The following PAX2 variants were observed in gnomAD, a reference collection of about 807,000 sequenced individuals.
PAX2 encodes the protein paired box protein Pax-2.
In PAX2, 9 loss-of-function variants were observed where a neutral mutation model predicts 41.7. The ratio of observed to expected loss-of-function variants is 0.22; its 90% CI spans 0.13 to 0.38. PAX2 has a LOEUF of 0.38. PAX2 is among the 10% of genes least tolerant of loss of function. PAX2 has a pLI of 1.00. For missense variants in PAX2, 418 were observed against 531.6 expected, an observed-to-expected ratio of 0.79 and a Z score of 2.10; for synonymous variants, 221 against 212.7, an observed-to-expected ratio of 1.04 and a Z score of -0.34.
At chr10:100,785,052 TATC>T (rs1475533762) in intron 5 of PAX2, among the ~76,000 whole-genome samples, 2 of 152,218 alleles carry the variant, frequency 1.3e-5, no homozygotes, top group East Asian at 3.8e-4. Context: ...TCCCCATTCA[TATC>T]ATTCAAAAAT....
In PAX2 at chr10:100,827,474, T is replaced by G; in HGVS notation, c.1109-69T>G. 2.7e-6 allele frequency: 4 copies of G among 1,503,970 alleles called. No individual in the cohort carries two copies. Among genetic ancestry groups the G allele is most frequent in the Non-Finnish European group, 3.7e-6 (4 of 1,080,250 alleles). The allele number at this position is 1,503,970 out of a possible 1,614,324, so 93.2% of individuals were successfully genotyped here. A position where few individuals can be genotyped will look rare whatever the true frequency, so the allele number is the denominator to read the frequency against. ...AGCCAGGGGAGGTCTTTTCTGTGCT[T>G]TTCTTTCCTTTTTTGTTCTCCTGTT... On this transcript the variant is annotated intron_variant, in intron 9 of 9. Transcript: ENST00000355243. The surrounding 1 kb of genome is among the most constrained non-coding windows in gnomAD (Gnocchi z 8.5).
At chr10:100,766,353 C>T (rs1476501476) in intron 3 of PAX2, among the ~76,000 whole-genome samples, 1 of 152,204 alleles carries the variant, frequency 6.6e-6, no homozygotes, top group Non-Finnish European at 1.5e-5. Context: ...TCAGTGCAGG[C>T]CACTGCTGAG....
At position 100,824,532 on chromosome 10, in the gene PAX2, C is replaced by T. The variant is rs889172152; in HGVS notation, c.920-116C>T. 1.4e-5 allele frequency: 11 copies of T among 807,910 alleles called. 1 individual carries two copies. The highest frequency in any genetic ancestry group is 8.6e-5 in the Admixed American group (5 of 58,352). The allele number at this position is 807,910 out of a possible 1,614,324, so 50.0% of individuals were successfully genotyped here. A position where few individuals can be genotyped will look rare whatever the true frequency, so the allele number is the denominator to read the frequency against. On this transcript the variant is annotated intron_variant, in intron 7 of 9. Coordinates refer to ENST00000355243, the MANE Select transcript of PAX2 (RefSeq NM_000278.5). The surrounding 1 kb of genome is among the most constrained non-coding windows in gnomAD (Gnocchi z 6.6). ...GCACAGTGGCACACATACCCCTGCACGTCTGCACAGAGCTCTTTCCTCTCC... is the reference window on the plus strand; with the variant it reads ...GCACAGTGGCACACATACCCCTGCATGTCTGCACAGAGCTCTTTCCTCTCC...
chr10:100,749,948 T>C (rs1263098000), intron 2 of PAX2, 34 bp downstream of exon 2: 5 of 1,605,230 alleles, frequency 3.1e-6, no homozygotes, highest in Non-Finnish European at 4.2e-6. Flanking sequence ...GGAGACGCCT[T>C]GCCTACTTCC....
chr10:100,735,545 C>G (rs10786604), exon 1 of PAX2: 320,996 of 401,544 alleles, frequency 0.8, 129,122 homozygotes, highest in East Asian at 1. Flanking sequence ...GAGCACACAG[C>G]CGTGGCGGCG....
chr10:100,798,675 A>C (rs1847424612), intron 5 of PAX2, among the ~76,000 whole-genome samples: 4 of 144,456 alleles, frequency 2.8e-5, no homozygotes, highest in African/African-American at 7.8e-5. Context: ...TATCTCCCTT[A>C]CCTCTCTCTT....
Position 100,806,592 on chromosome 10 carries a change from T to A in PAX2, c.779T>A (p.Ile260Asn). The change falls in exon 6 of 10, where the codon ATC (isoleucine) becomes AAC (asparagine). Residue 260 changes from isoleucine (I) to asparagine (N), a missense_variant. By Grantham distance (149) the Ile-to-Asn change is moderately radical. Around this residue, in one of 2 missense-constraint regions of PAX2, gnomAD observed 310 missense variants for 325.2 expected, o/e 0.95. Coordinates refer to ENST00000355243, the MANE Select transcript of PAX2 (RefSeq NM_000278.5). ...YPDVFQASEH[I>N]KSEQGNEYSL... ...GACGTCTTCCAGGCATCAGAGCACA[T>A]CAAATCAGAACAGGTGAGGAGGGAG... The A allele has an allele frequency of 6.2e-7, 1 of 1,613,934 alleles. No homozygotes were observed. Among genetic ancestry groups the A allele is most frequent in the Non-Finnish European group, 8.5e-7 (1 of 1,179,994 alleles).
At chr10:100,807,898 C>T (rs533466635) in intron 6 of PAX2, among the ~76,000 whole-genome samples, 56 of 152,354 alleles carry the variant, frequency 3.7e-4, no homozygotes, top group Non-Finnish European at 3.4e-4. Context: ...TCTCCCCGCC[C>T]GTCCTTTTAT....
chr10:100,803,591 G>A (rs1416481208), intron 5 of PAX2, among the ~76,000 whole-genome samples: 1 of 152,104 alleles, frequency 6.6e-6, no homozygotes, highest in Non-Finnish European at 1.5e-5. Flanking sequence ...AAGTTTCTTT[G>A]TGCTCCTTCG....
chr10:100,776,923 A>G (rs1308406460), intron 3 of PAX2, among the ~76,000 whole-genome samples: 3 of 152,054 alleles, frequency 2.0e-5, no homozygotes, highest in Non-Finnish European at 2.9e-5. Context: ...TGCCTCATGT[A>G]TATGTATGTT....
intron 5 of PAX2, among the ~76,000 whole-genome samples, chr10:100,796,768 C>T (rs1337821252): frequency 6.6e-6 from 1 of 152,188 alleles, no homozygotes; most frequent in Non-Finnish European, 1.5e-5. Context: ...TCCCTGCATC[C>T]CCATCATTTC....
intron 3 of PAX2, among the ~76,000 whole-genome samples, chr10:100,755,600 C>T (rs1270388697): frequency 6.6e-6 from 1 of 152,226 alleles, no homozygotes. Flanking sequence ...TATTACCGTT[C>T]ATGGCCTGGG....
intron 3 of PAX2, among the ~76,000 whole-genome samples, chr10:100,768,403 C>T (rs1306175952): frequency 6.6e-6 from 1 of 152,062 alleles, no homozygotes; most frequent in African/African-American, 2.4e-5. Context: ...GGAAAATTTG[C>T]CCCCCAAACC....
chr10:100,761,310 G>A (rs1182192833), intron 3 of PAX2, among the ~76,000 whole-genome samples: 1 of 152,012 alleles, frequency 6.6e-6, no homozygotes, highest in African/African-American at 2.4e-5. Context: ...TAGAAACAAT[G>A]CTCACCTGCG....
chr10:100,806,617 G>A lies in PAX2; in HGVS notation c.792+12G>A, dbSNP rs1395910704. On this transcript the variant is annotated intron_variant, in intron 6 of 9. Transcript: ENST00000355243. ...TCAAATCAGAACAGGTGAGGAGGGAGCTTTCTGCTTGCAGAAGTAGAAAGG... is the reference window on the plus strand; with the variant it reads ...TCAAATCAGAACAGGTGAGGAGGGAACTTTCTGCTTGCAGAAGTAGAAAGG... 1 of 1,612,538 alleles carries A rather than the reference G, an allele frequency of 6.2e-7. No individual in the cohort carries two copies. The highest frequency in any genetic ancestry group is 8.5e-7 in the Non-Finnish European group (1 of 1,179,508).
At chr10:100,795,297 G>A (rs1000775694) in intron 5 of PAX2, among the ~76,000 whole-genome samples, 5 of 152,184 alleles carry the variant, frequency 3.3e-5, no homozygotes, top group Non-Finnish European at 5.9e-5. Context: ...AAGGTAAATA[G>A]GACACAGTCC....
In PAX2 at chr10:100,748,570, A is replaced by G. The variant is rs1315511300; in HGVS notation, c.44-1176A>G. On this transcript the variant is annotated intron_variant, in intron 1 of 9. Coordinates refer to ENST00000355243, the MANE Select transcript of PAX2 (RefSeq NM_000278.5). The surrounding 1 kb of genome is among the most constrained non-coding windows in gnomAD (Gnocchi z 5.0). ...GGCCGCTAGAAGTCTCTGCGCTTGG[A>G]TTGCTCAGTACCTGCGGCTACGGGT... 1 of 985,308 alleles carries G rather than the reference A, an allele frequency of 1.0e-6. No homozygotes were observed. The highest frequency in any genetic ancestry group is 1.2e-6 in the Non-Finnish European group (1 of 829,902). 61.0% of individuals were successfully genotyped at this position (985,308 alleles called of 1,614,324 possible).
At chr10:100,814,732 T>C (rs980312268) in intron 7 of PAX2, among the ~76,000 whole-genome samples, 3 of 152,132 alleles carry the variant, frequency 2.0e-5, no homozygotes, top group East Asian at 3.8e-4. Context: ...CCCATCCTGG[T>C]TGGGGGAAGG....
At position 100,815,951 on chromosome 10, in the gene PAX2, G is replaced by A. The variant is rs115162224; in HGVS notation, c.919+6715G>A. 4.7e-3 allele frequency among the ~76,000 whole-genome samples: 718 copies of A among 152,288 alleles called. 5 individuals carry two copies. Among genetic ancestry groups the A allele is most frequent in the African/African-American group, 0.016 (683 of 41,552 alleles). ...TAGGGAGGGTGACAAAGGTAGGAAG[G>A]GTTTGGGGTGTCTTAGCAAAGACGT... On this transcript the variant is annotated intron_variant, in intron 7 of 9. Transcript: ENST00000355243.
Sources: allele counts gnomAD v4.1 joint callset (sites outside exome capture counted in the v4.1 genomes callset), GRCh38; gene constraint gnomAD v4.1.1; regional missense constraint gnomAD v4.1.1; non-coding constraint Gnocchi (gnomAD v3.1); transcripts MANE v1.5; gene names NCBI Gene and HGNC (gene_info 2026-07-23, HGNC 2026-07-21).